Variants in EHHADH observed in about 807,000 individuals in gnomAD.
The protein encoded by EHHADH is peroxisomal bifunctional enzyme.
Under a neutral mutation model 64.4 loss-of-function variants are expected in EHHADH, and 48 were observed. That is an observed-to-expected ratio of 0.75 (90% confidence interval 0.59 to 0.95). EHHADH has a LOEUF of 0.95. Among genes scored for constraint, EHHADH ranks in the 40% least tolerant of loss-of-function variants. The pLI, the probability that EHHADH is intolerant of heterozygous loss-of-function variation, is 0.00. For missense variants in EHHADH, 854 were observed against 876.6 expected (o/e 0.97, Z 0.33); for synonymous variants, 308 against 326.7 (o/e 0.94, Z 0.62).
intron 1 of EHHADH, 101 bp downstream of exon 1, chr3:185,253,848 C>A: frequency 6.5e-7 from 1 of 1,531,604 alleles, no homozygotes; most frequent in Non-Finnish European, 8.8e-7. Context: ...TCTTGAGTGT[C>A]CTTCTCGGTT....
intron 2 of EHHADH, among the ~76,000 whole-genome samples, chr3:185,247,178 T>A (rs1351272651): frequency 6.6e-6 from 1 of 152,210 alleles, no homozygotes; most frequent in Non-Finnish European, 1.5e-5. Context: ...GAAGAATGTA[T>A]ATTCTCCCAT....
At chr3:185,228,287 G>GAGAA (rs1189600077) in intron 4 of EHHADH, among the ~76,000 whole-genome samples, 5 of 120,910 alleles carry the variant, frequency 4.1e-5, no homozygotes, top group Non-Finnish European at 6.9e-5. Flanking sequence ...TATGGAGAGA[G>GAGAA]AGAGAGAGAG....
chr3:185,229,523 T>G lies in EHHADH; in HGVS notation c.372A>C (p.Glu124Asp), dbSNP rs1719097959. The change falls in exon 4 of 7, where the codon GAA becomes GAC. Residue 124 changes from glutamate to aspartate, a missense_variant. Coordinates refer to ENST00000231887, the MANE Select transcript of EHHADH (RefSeq NM_001966.4). ...CACCAGGGAGAAGTCCCAGTGTAAC[T>G]TCTGGTAAGCCAACTTGAGCCTATC... ...AHAEAQVGLP[E>D]VTLGLLPGAR... 1 of 1,570,390 alleles carries G rather than the reference T, an allele frequency of 6.4e-7. No homozygotes were observed. Among genetic ancestry groups the G allele is most frequent in the Admixed American group, 1.7e-5 (1 of 57,446 alleles).
chr3:185,210,804 A>C (rs1341377149), intron 5 of EHHADH, among the ~76,000 whole-genome samples: 1 of 151,798 alleles, frequency 6.6e-6, no homozygotes, highest in African/African-American at 2.4e-5. Flanking sequence ...ATTTTAGGCC[A>C]GAGATTGAAA....
At chr3:185,222,208 G>A (rs950749251) in intron 4 of EHHADH, among the ~76,000 whole-genome samples, 2 of 151,610 alleles carry the variant, frequency 1.3e-5, no homozygotes, top group Non-Finnish European at 2.9e-5. Context: ...GGTGCCCCCC[G>A]CCCCCTGTTT....
chr3:185,253,819 C>G (rs1719818719), intron 1 of EHHADH, 130 bp downstream of exon 1: 10 of 1,406,354 alleles, frequency 7.1e-6, no homozygotes, highest in Non-Finnish European at 8.4e-6. Context: ...AAGTTCCTGG[C>G]ATGTACCAGT....
intron 4 of EHHADH, among the ~76,000 whole-genome samples, chr3:185,223,853 A>G (rs1181459527): frequency 6.6e-6 from 1 of 152,236 alleles, no homozygotes; most frequent in Non-Finnish European, 1.5e-5. Context: ...CAGAAAGAGG[A>G]GCAGGACACT....
At chr3:185,234,417 T>C (rs923163260) in intron 3 of EHHADH, among the ~76,000 whole-genome samples, 23 of 152,380 alleles carry the variant, frequency 1.5e-4, no homozygotes, top group Non-Finnish European at 2.8e-4. Context: ...TCATACTGCA[T>C]GAGCACTGCA....
chr3:185,225,046 C>T (rs1322604065), intron 4 of EHHADH, among the ~76,000 whole-genome samples: 1 of 152,158 alleles, frequency 6.6e-6, no homozygotes, highest in Non-Finnish European at 1.5e-5. Flanking sequence ...TTAACAGGCA[C>T]TATATCAGAA....
At chr3:185,233,547 CAG>C (rs1719197874) in intron 3 of EHHADH, among the ~76,000 whole-genome samples, 1 of 152,008 alleles carries the variant, frequency 6.6e-6, no homozygotes, top group Admixed American at 6.6e-5. Context: ...AATTAAAAGA[CAG>C]AGATTGGCAG....
chr3:185,228,677 T>G (rs1044093562), intron 4 of EHHADH, among the ~76,000 whole-genome samples: 1 of 151,730 alleles, frequency 6.6e-6, no homozygotes, highest in South Asian at 2.1e-4. Context: ...AAACTCCGTC[T>G]CAAAAAAAAG....
chr3:185,230,295 T>C (rs959959788), intron 3 of EHHADH, among the ~76,000 whole-genome samples: 1 of 152,202 alleles, frequency 6.6e-6, no homozygotes, highest in Non-Finnish European at 1.5e-5. Flanking sequence ...AGTTACCATA[T>C]GACCCATCAA....
Position 185,235,340 on chromosome 3 carries a change from C to G in EHHADH, c.301G>C (p.Gly101Arg). The change falls in exon 3 of 7, where the codon GGG (glycine) becomes CGG (arginine). Residue 101 changes from glycine to arginine, a missense_variant. Transcript: ENST00000231887. ...VAAIQGMAFG[G>R]GLELALGCHY... Reference sequence around the variant, plus strand: ...CAGCCCAGGGCCAGCTCTAGTCCCCCTCCGAAAGCCATGCCTTGGATTGCT... The same window carrying G: ...CAGCCCAGGGCCAGCTCTAGTCCCCGTCCGAAAGCCATGCCTTGGATTGCT... 6.2e-7 allele frequency: 1 copy of G among 1,614,036 alleles called. No individual in the cohort carries two copies. The highest frequency in any genetic ancestry group is 8.5e-7 in the Non-Finnish European group (1 of 1,179,976).
chr3:185,232,844 CA>C (rs1719172857), intron 3 of EHHADH, among the ~76,000 whole-genome samples: 1 of 152,158 alleles, frequency 6.6e-6, no homozygotes. Flanking sequence ...CACAAAGTGC[CA>C]AAAGAAAACA....
Position 185,193,445 on chromosome 3 carries a change from C to T in EHHADH, c.953G>A (p.Arg318Lys). The change falls in exon 7 of 7, where the codon AGG becomes AAG. Residue 318 changes from arginine to lysine, a missense_variant. Physicochemically the swap from Arg to Lys is conservative, Grantham distance 26. Transcript: ENST00000231887. ...MGRGIVISFA[R>K]ARIPVIAVDS... is the part of the protein sequence containing the mutation. ...TACAGCAATCACAGGAATCCTGGCC[C>T]TTGCAAAAGAAATGACAATGCCTCG... 1 of 1,614,126 alleles carries T rather than the reference C, an allele frequency of 6.2e-7. No homozygotes were observed. The highest frequency in any genetic ancestry group is 8.5e-7 in the Non-Finnish European group (1 of 1,180,020).
chr3:185,245,503 G>A, intron 2 of EHHADH: 1 of 1,058,926 alleles, frequency 9.4e-7, no homozygotes, highest in Middle Eastern at 3.2e-4. Context: ...GCCCATGACA[G>A]TCTGGAAGCC....
In EHHADH at chr3:185,192,731, C is replaced by G; in HGVS notation, c.1667G>C (p.Arg556Thr). 1 of 1,614,126 alleles carries G rather than the reference C, an allele frequency of 6.2e-7. No homozygotes were observed. The highest frequency in any genetic ancestry group is 8.5e-7 in the Non-Finnish European group (1 of 1,180,012). Residue 556 changes from arginine (R) to threonine (T), a missense_variant, in exon 7 of 7, where the codon AGG (arginine) becomes ACG (threonine). By Grantham distance (71) the Arg-to-Thr change is moderately conservative. Coordinates refer to ENST00000231887, the MANE Select transcript of EHHADH (RefSeq NM_001966.4). The part of the protein sequence containing the change: ...PGTPARKRGN[R>T]RYCPIPDVLC... ...CACATCAGGAATTGGGCAGTACCTC[C>G]TATTACCCCTTTTTCGGGCAGGAGT... is the stretch of plus-strand genomic sequence containing the variant.
chr3:185,230,518 G>A (rs1011801549), intron 3 of EHHADH, among the ~76,000 whole-genome samples: 9 of 152,132 alleles, frequency 5.9e-5, no homozygotes, highest in African/African-American at 1.2e-4. Context: ...ATGCTACAAC[G>A]TGGATGAACA....
intron 4 of EHHADH, among the ~76,000 whole-genome samples, chr3:185,221,954 A>C (rs28484921): frequency 0.79 from 120,475 of 152,064 alleles, 48,553 homozygotes; most frequent in Non-Finnish European, 0.87. Flanking sequence ...ACTAGCAGTT[A>C]TCAAACGGGT....
Sources: allele counts gnomAD v4.1 joint callset (sites outside exome capture counted in the v4.1 genomes callset), GRCh38; gene constraint gnomAD v4.1.1; transcripts MANE v1.5; gene names NCBI Gene and HGNC (gene_info 2026-07-23, HGNC 2026-07-21).